Variants in ITGA1 observed in about 807,000 individuals in gnomAD.
The protein encoded by ITGA1 is integrin subunit alpha 1.
In ITGA1, 85 loss-of-function variants were observed where a neutral mutation model predicts 145.9. The ratio of observed to expected loss-of-function variants is 0.58; its 90% confidence interval spans 0.49 to 0.70. The LOEUF is 0.70. Among genes scored for constraint, ITGA1 ranks in the 30% least tolerant of loss-of-function variants. The probability of loss-of-function intolerance (pLI) is 0.00; values close to 1 mark genes in which losing one functional copy is unlikely to be tolerated. For synonymous variants in ITGA1, 520 were observed against 495.3 expected (o/e 1.05, Z -0.66); for missense variants, 1,351 against 1,418.7 (o/e 0.95, Z 0.77).
At chr5:52,938,522 A>T (rs1751005559) in intron 24 of ITGA1, among the ~76,000 whole-genome samples, 1 of 152,184 alleles carries the variant, frequency 6.6e-6, no homozygotes, top group Admixed American at 6.5e-5. Context: ...GCAAGGAAAA[A>T]ATAAGCCTTT....
At chr5:52,927,488 G>A (rs1470540882) in intron 19 of ITGA1, 96 bp from the exon 20 acceptor site, 6 of 744,408 alleles carry the variant, frequency 8.1e-6, no homozygotes, top group African/African-American at 7.1e-5. Context: ...TAGTGGCAAG[G>A]CAGTCACCAA....
chr5:52,860,348 C>T (rs1364650335), intron 2 of ITGA1, among the ~76,000 whole-genome samples: 4 of 152,016 alleles, frequency 2.6e-5, no homozygotes, highest in Non-Finnish European at 5.9e-5. Context: ...GAGACCGAGA[C>T]TATCCTGGCC....
At chr5:52,791,421 T>G (rs748804960) in intron 1 of ITGA1, among the ~76,000 whole-genome samples, 2 of 152,064 alleles carry the variant, frequency 1.3e-5, no homozygotes, top group Non-Finnish European at 2.9e-5. Context: ...GTTGTGGTCA[T>G]AAAAAGGAAT....
chr5:52,845,382 GC>G (rs1019851992), intron 1 of ITGA1, among the ~76,000 whole-genome samples: 42 of 152,222 alleles, frequency 2.8e-4, no homozygotes, highest in African/African-American at 9.9e-4. Flanking sequence ...ACAGAGCTGT[GC>G]TTTCCAAACC....
intron 26 of ITGA1, among the ~76,000 whole-genome samples, chr5:52,943,983 G>A (rs531310641): frequency 1.3e-5 from 2 of 152,310 alleles, no homozygotes; most frequent in South Asian, 4.1e-4. Flanking sequence ...CTGTGCACAT[G>A]CTCCTGTGGG....
At chr5:52,900,829 A>G (rs891573953) in intron 11 of ITGA1, among the ~76,000 whole-genome samples, 2 of 152,188 alleles carry the variant, frequency 1.3e-5, no homozygotes, top group Admixed American at 1.3e-4. Context: ...AGTAATGACT[A>G]TATTTAGTAC....
At chr5:52,917,828 A>G (rs960507116) in intron 15 of ITGA1, among the ~76,000 whole-genome samples, 4 of 152,178 alleles carry the variant, frequency 2.6e-5, no homozygotes, top group Non-Finnish European at 5.9e-5. Context: ...ATGCATTTCT[A>G]TGATGTTTAT....
chr5:52,908,021 G>A (rs1750438588), intron 12 of ITGA1, among the ~76,000 whole-genome samples: 1 of 152,160 alleles, frequency 6.6e-6, no homozygotes, highest in South Asian at 2.1e-4. Flanking sequence ...TGCCTTAGTA[G>A]AAATTTTTAA....
At chr5:52,842,749 G>A (rs573513445) in intron 1 of ITGA1, among the ~76,000 whole-genome samples, 2 of 147,666 alleles carry the variant, frequency 1.4e-5, no homozygotes, top group Non-Finnish European at 3.0e-5. Flanking sequence ...GCAGTGGCAC[G>A]ATCTCGGCTT....
At chr5:52,820,876 A>G (rs1359953753) in intron 1 of ITGA1, among the ~76,000 whole-genome samples, 2 of 152,122 alleles carry the variant, frequency 1.3e-5, no homozygotes, top group Non-Finnish European at 2.9e-5. Context: ...TAGTTTCCCC[A>G]ATTTAAGGTT....
At position 52,939,931 on chromosome 5, in the gene ITGA1, C is replaced by A; in HGVS notation, c.3272C>A (p.Pro1091Gln). The A allele has an allele frequency of 6.3e-7, 1 of 1,583,778 alleles. No individual in the cohort carries two copies. Among genetic ancestry groups the A allele is most frequent in the South Asian group, 1.1e-5 (1 of 90,404 alleles). Reference sequence around the variant, plus strand: ...AATGTTTCGCTTATCTTGTGGAAACCAACTTTTATAAAAGTAAGTAAATAC... The same window carrying A: ...AATGTTTCGCTTATCTTGTGGAAACAAACTTTTATAAAAGTAAGTAAATAC... ...QVNVSLILWK[P>Q]TFIKSYFSSL... is the part of the protein sequence containing the mutation. The change falls in exon 26 of 29, where the codon CCA (proline) becomes CAA (glutamine). Residue 1091 changes from proline (P) to glutamine (Q), a missense_variant. Physicochemically the swap from Pro to Gln is moderately conservative, Grantham distance 76 (BLOSUM62 -1). Coordinates refer to ENST00000282588, the MANE Select transcript of ITGA1 (RefSeq NM_181501.2).
chr5:52,915,420 A>T (rs747656780), intron 14 of ITGA1, 44 bp from the exon 15 acceptor site: 19 of 1,589,752 alleles, frequency 1.2e-5, no homozygotes, highest in Non-Finnish European at 1.6e-5. Flanking sequence ...ACTGTTTTGA[A>T]CAGACTCTTC....
intron 28 of ITGA1, among the ~76,000 whole-genome samples, chr5:52,949,314 T>C (rs1044295783): frequency 1.6e-4 from 24 of 152,190 alleles, no homozygotes; most frequent in African/African-American, 5.8e-4. Context: ...GTGAAGAACA[T>C]AAAATTTAAG....
intron 23 of ITGA1, among the ~76,000 whole-genome samples, chr5:52,935,461 A>G (rs1750951631): frequency 6.6e-6 from 1 of 152,164 alleles, no homozygotes; most frequent in African/African-American, 2.4e-5. Flanking sequence ...AGACAACGTA[A>G]TATTTTAGAA....
chr5:52,936,545 G>C (rs986846765), intron 23 of ITGA1, among the ~76,000 whole-genome samples: 2 of 152,184 alleles, frequency 1.3e-5, no homozygotes, highest in Non-Finnish European at 2.9e-5. Flanking sequence ...AGCTAAAGAA[G>C]CTGCACAGGG....
chr5:52,880,197 A>G (rs76083472), intron 6 of ITGA1, among the ~76,000 whole-genome samples: 1,856 of 152,208 alleles, frequency 0.012, 39 homozygotes, highest in African/African-American at 0.041. Flanking sequence ...CACATCTTAG[A>G]CTAGACCCCC....
chr5:52,894,075 T>A (rs2111825013), intron 9 of ITGA1, among the ~76,000 whole-genome samples: 1 of 152,250 alleles, frequency 6.6e-6, no homozygotes, highest in South Asian at 2.1e-4. Flanking sequence ...GCAGTGCTGA[T>A]GGGACAGCCG....
At chr5:52,789,677 C>T (rs1028996790) in intron 1 of ITGA1, among the ~76,000 whole-genome samples, 1 of 152,182 alleles carries the variant, frequency 6.6e-6, no homozygotes, top group African/African-American at 2.4e-5. Flanking sequence ...CAGCTACTGC[C>T]ACTACTTTTT....
chr5:52,946,096 A>T (rs1324004736), intron 27 of ITGA1, among the ~76,000 whole-genome samples: 2 of 152,236 alleles, frequency 1.3e-5, no homozygotes, highest in African/African-American at 4.8e-5. Context: ...TTCTACATTC[A>T]TCCTAAAGGA....
Sources: gnomAD v4.1 joint callset for allele counts (sites outside exome capture counted in the v4.1 genomes callset) on GRCh38, gnomAD v4.1.1 for gene constraint, MANE v1.5 for transcripts, NCBI Gene and HGNC (gene_info 2026-07-23, HGNC 2026-07-21) for gene names.